ARPC2: variants seen among roughly 807,000 people sequenced by gnomAD.
The protein encoded by ARPC2 is actin-related protein 2/3 complex subunit 2.
A neutral mutation model predicts 38.6 loss-of-function variants in ARPC2; 4 were observed. The ratio of observed to expected loss-of-function variants is 0.10; its 90% CI spans 0.05 to 0.24. ARPC2 has a LOEUF of 0.24. ARPC2 is among the 10% of genes least tolerant of loss of function. ARPC2 has a pLI of 1.00. For missense variants in ARPC2, 229 were observed against 387.3 expected (o/e 0.59, Z 3.43); for synonymous variants, 125 against 140.8 (o/e 0.89, Z 0.79).
intron 2 of ARPC2, among the ~76,000 whole-genome samples, chr2:218,225,369 T>G (rs892006335): frequency 9.9e-5 from 15 of 152,122 alleles, no homozygotes; most frequent in Admixed American, 2.6e-4. Context: ...TTCTTGAAGG[T>G]GAGTGGTAAG....
At chr2:218,245,586 G>T in intron 8 of ARPC2, 40 bp downstream of exon 8, 1 of 1,611,736 alleles carries the variant, frequency 6.2e-7, no homozygotes, top group South Asian at 1.1e-5. Flanking sequence ...CCGCTTTAAT[G>T]AGTTCACACA....
In ARPC2 at chr2:218,245,329, G is replaced by A. The variant is rs528371483; in HGVS notation, c.550-91G>A. On this transcript the variant is annotated intron_variant, in intron 7 of 10. Transcript: ENST00000315717. ...TCCTGCTGGTCTGGAGGGCTACAAA[G>A]GTCACACCACATAGAACAAACCCTA... 1.7e-5 allele frequency: 27 copies of A among 1,543,390 alleles called. No individual in the cohort carries two copies. The East Asian group carries it at 4.1e-4, about 23-fold the overall frequency.
chr2:218,248,280 T>C (rs1309753823), intron 8 of ARPC2, among the ~76,000 whole-genome samples: 2 of 152,250 alleles, frequency 1.3e-5, no homozygotes, highest in Non-Finnish European at 2.9e-5. Context: ...CCAGGGCACA[T>C]TGACACAGAA....
intron 2 of ARPC2, among the ~76,000 whole-genome samples, chr2:218,224,277 AAGT>A (rs1399909259): frequency 6.6e-6 from 1 of 152,194 alleles, no homozygotes; most frequent in Non-Finnish European, 1.5e-5. Flanking sequence ...TCTTTTGACA[AAGT>A]AGGAGAGTGA....
At chr2:218,231,722 T>C (rs1462513614) in intron 4 of ARPC2, among the ~76,000 whole-genome samples, 2 of 152,236 alleles carry the variant, frequency 1.3e-5, no homozygotes, top group African/African-American at 2.4e-5. Context: ...ATTTATCTTT[T>C]GCCCTTGTGT....
chr2:218,248,109 T>C (rs1690091409), intron 8 of ARPC2, among the ~76,000 whole-genome samples: 1 of 152,138 alleles, frequency 6.6e-6, no homozygotes. Context: ...AGTTTTTGTC[T>C]TTGAAGCTGG....
At position 218,219,106 on chromosome 2, in the gene ARPC2, C is replaced by T. The variant is rs146900880; in HGVS notation, c.74+1562C>T. ...AGGTCCAGACTAGCAAAGAATGAGA[C>T]CTGGGCGGTTATAAGCTGATCTACA... is the stretch of plus-strand genomic sequence containing the variant. On this transcript the variant is annotated intron_variant, in intron 2 of 10. Coordinates refer to ENST00000315717, the MANE Select transcript of ARPC2 (RefSeq NM_152862.3). Among the ~76,000 whole-genome samples the T allele has an allele frequency of 4.7e-3, 718 of 152,252 alleles. 1 individual carries two copies. The highest frequency in any genetic ancestry group is 7.2e-3 in the Non-Finnish European group (487 of 68,024).
At chr2:218,251,360 C>T (rs571112768) in intron 10 of ARPC2, among the ~76,000 whole-genome samples, 5 of 152,178 alleles carry the variant, frequency 3.3e-5, no homozygotes, top group East Asian at 1.9e-4. Flanking sequence ...TACAGGCGTG[C>T]GCCACTAAGC....
At chr2:218,236,373 CA>C (rs1425697807) in intron 5 of ARPC2, 6 of 151,794 alleles carry the variant, frequency 4.0e-5, no homozygotes, top group Admixed American at 3.9e-4. Flanking sequence ...TTCAAGTACC[CA>C]AAATAGAATG....
chr2:218,238,590 CTT>C (rs34654904), intron 5 of ARPC2, 72 bp from the exon 6 acceptor site: 7,966 of 423,906 alleles, frequency 0.019, 1 homozygote, highest in Middle Eastern at 0.02. Flanking sequence ...TAGTATGCTG[CTT>C]TTTTTTTTTT....
At chr2:218,231,966 G>A (rs1013389222) in intron 4 of ARPC2, among the ~76,000 whole-genome samples, 7 of 152,124 alleles carry the variant, frequency 4.6e-5, no homozygotes, top group African/African-American at 1.2e-4. Flanking sequence ...TAGGCCAGGC[G>A]CAGTGGCTCA....
chr2:218,223,465 T>C (rs771356620), intron 2 of ARPC2, among the ~76,000 whole-genome samples: 2 of 152,206 alleles, frequency 1.3e-5, no homozygotes, highest in Non-Finnish European at 2.9e-5. Flanking sequence ...ATGAAGTGAT[T>C]CCTTTAAGTA....
At chr2:218,220,474 TGGAAC>T (rs1689357783) in intron 2 of ARPC2, among the ~76,000 whole-genome samples, 1 of 152,226 alleles carries the variant, frequency 6.6e-6, no homozygotes, top group Non-Finnish European at 1.5e-5. Context: ...AGCACAGACA[TGGAAC>T]ATTTCCATTA....
At chr2:218,227,007 C>T (rs1014319648) in intron 3 of ARPC2, 1 of 456,432 alleles carries the variant, frequency 2.2e-6, no homozygotes, top group African/African-American at 2.0e-5. Context: ...TGAATGAACT[C>T]AGAGGAATAC....
intron 2 of ARPC2, among the ~76,000 whole-genome samples, chr2:218,224,618 A>G (rs953676252): frequency 1.3e-5 from 2 of 152,274 alleles, no homozygotes; most frequent in African/African-American, 4.8e-5. Flanking sequence ...TTTTCCTTCT[A>G]TTCTGAACTC....
At chr2:218,240,111 C>T (rs1232806975) in intron 7 of ARPC2, among the ~76,000 whole-genome samples, 1 of 151,942 alleles carries the variant, frequency 6.6e-6, no homozygotes, top group African/African-American at 2.4e-5. Flanking sequence ...CGCGCCACCA[C>T]GCCCAGCTAA....
At position 218,234,417 on chromosome 2, in the gene ARPC2, A is replaced by G; in HGVS notation, c.268+20A>G. On this transcript the variant is annotated intron_variant, in intron 5 of 10. Coordinates refer to ENST00000315717, the MANE Select transcript of ARPC2 (RefSeq NM_152862.3). ...AATCAGGTATGTAGTCATGTGAGCA[A>G]CTATGGAATGACATGGGAAGAGAGG... 1 of 1,576,470 alleles carries G rather than the reference A, an allele frequency of 6.3e-7. No individual in the cohort carries two copies. Among genetic ancestry groups the G allele is most frequent in the South Asian group, 1.1e-5 (1 of 88,522 alleles).
At chr2:218,249,193 A>G (rs1368157835) in intron 8 of ARPC2, among the ~76,000 whole-genome samples, 171 bp from the exon 9 acceptor site, 3 of 152,160 alleles carry the variant, frequency 2.0e-5, no homozygotes, top group South Asian at 2.1e-4. Flanking sequence ...TTTCCTGGCC[A>G]TGCTGTTTAA....
At chr2:218,226,381 G>A (rs1689497059) in intron 3 of ARPC2, among the ~76,000 whole-genome samples, 1 of 152,018 alleles carries the variant, frequency 6.6e-6, no homozygotes, top group African/African-American at 2.4e-5. Context: ...TGTAATCCCA[G>A]CACTTTGGGA....
Sources: allele counts gnomAD v4.1 joint callset (sites outside exome capture counted in the v4.1 genomes callset), GRCh38; gene constraint gnomAD v4.1.1; transcripts MANE v1.5; gene names NCBI Gene and HGNC (gene_info 2026-07-23, HGNC 2026-07-21).